BCL7B: variants seen among roughly 807,000 people sequenced by gnomAD.
BCL7B encodes the protein B-cell CLL/lymphoma 7 protein family member B.
Under a neutral mutation model 26.5 loss-of-function variants are expected in BCL7B, and 11 were observed. The observed-to-expected ratio is 0.42, with a 90% CI of 0.26 to 0.69. The LOEUF (loss-of-function observed/expected upper bound fraction) is 0.69. Among genes scored for constraint, BCL7B ranks in the 30% least tolerant of loss-of-function variants. The probability of loss-of-function intolerance (pLI) is 0.28; values close to 1 mark genes in which losing one functional copy is unlikely to be tolerated. For missense variants in BCL7B, 215 were observed against 264.4 expected, an observed-to-expected ratio of 0.81 and a Z score of 1.30; for synonymous variants, 111 against 107.9, an observed-to-expected ratio of 1.03 and a Z score of -0.18.
chr7:73,539,867 C>A lies in BCL7B; in HGVS notation c.436+15G>T. The A allele has an allele frequency of 6.2e-7, 1 of 1,608,938 alleles. No individual in the cohort carries two copies. The highest frequency in any genetic ancestry group is 1.1e-5 in the South Asian group (1 of 90,976). The stretch of plus-strand genomic sequence containing the variant: ...GCCCTTCTAGGAAACTCATCCTCGG[C>A]CAACCACGACTCACCCTCCAGGATC... On this transcript the variant is annotated intron_variant, in intron 4 of 5. Coordinates refer to ENST00000223368, the MANE Select transcript of BCL7B (RefSeq NM_001707.4).
At chr7:73,542,686 CG>C (rs1791810608) in intron 3 of BCL7B, 1 of 191,016 alleles carries the variant, frequency 5.2e-6, no homozygotes, top group African/African-American at 2.3e-5. Flanking sequence ...ATCATGACTA[CG>C]GTGATGATCC....
At chr7:73,555,627 C>T (rs1554584634) in intron 1 of BCL7B, among the ~76,000 whole-genome samples, 2 of 152,036 alleles carry the variant, frequency 1.3e-5, no homozygotes, top group African/African-American at 4.8e-5. Context: ...GGTAAGACAG[C>T]GGGCATCCTG....
rs782709626 is a variant in BCL7B at position 73,540,011 on chromosome 7, G to A, written c.307C>T (p.Leu103Phe). The change falls in exon 4 of 6, where the codon CTT becomes TTT. Residue 103 changes from leucine to phenylalanine, a missense_variant. Leu to Phe is a conservative substitution (Grantham distance 22, BLOSUM62 0). Coordinates refer to ENST00000223368, the MANE Select transcript of BCL7B (RefSeq NM_001707.4). ...NQSSVSDVYQ[L>F]KVDSSTNSSP... ...GAGTTGGTGCTGCTGTCCACCTTAA[G>A]CTGATAGACGTCAGACACGGAACTC... 1.2e-6 allele frequency: 2 copies of A among 1,613,930 alleles called. No homozygotes were observed. The highest frequency in any genetic ancestry group is 8.5e-7 in the Non-Finnish European group (1 of 1,180,044).
At chr7:73,553,698 C>CT (rs1391713399) in intron 1 of BCL7B, 13 of 154,270 alleles carry the variant, frequency 8.4e-5, no homozygotes, top group African/African-American at 3.1e-4. Context: ...GAAAACTAGT[C>CT]TAAAGAAATT....
intron 2 of BCL7B, among the ~76,000 whole-genome samples, chr7:73,546,278 A>T (rs529389210): frequency 1.3e-5 from 2 of 152,186 alleles, no homozygotes; most frequent in Non-Finnish European, 2.9e-5. Context: ...GGAGGAACAC[A>T]GGCACCCTGA....
chr7:73,542,335 C>T (rs1406008054), intron 3 of BCL7B, among the ~76,000 whole-genome samples: 3 of 152,160 alleles, frequency 2.0e-5, no homozygotes, highest in Admixed American at 6.6e-5. Flanking sequence ...ACATGGTTGA[C>T]CTTGGTGGGG....
At position 73,557,581 on chromosome 7, in the gene BCL7B, C is replaced by A; in HGVS notation, c.-3G>T. ...GCCCGGACCGACCGGCCCGACATGGCGGCGGCGGGAGCGGCGGGGGCCGGG... is the reference window on the plus strand; with the variant it reads ...GCCCGGACCGACCGGCCCGACATGGAGGCGGCGGGAGCGGCGGGGGCCGGG... On this transcript the variant is annotated 5_prime_UTR_variant, in exon 1 of 6. Coordinates refer to ENST00000223368, the MANE Select transcript of BCL7B (RefSeq NM_001707.4). 1.5e-6 allele frequency: 2 copies of A among 1,307,144 alleles called. No homozygotes were observed. The highest frequency in any genetic ancestry group is 2.1e-5 in the South Asian group (1 of 47,600). The allele number at this position is 1,307,144 out of a possible 1,614,324, so 81.0% of individuals were successfully genotyped here.
intron 2 of BCL7B, among the ~76,000 whole-genome samples, chr7:73,549,042 T>C (rs781999609): frequency 2.6e-5 from 4 of 152,200 alleles, no homozygotes; most frequent in Non-Finnish European, 4.4e-5. Context: ...CATCAGCTAA[T>C]ATAGGTCAAA....
chr7:73,556,048 G>C (rs1026218741), intron 1 of BCL7B, among the ~76,000 whole-genome samples: 33 of 152,168 alleles, frequency 2.2e-4, no homozygotes, highest in Non-Finnish European at 3.8e-4. Context: ...GCCTGCTAGG[G>C]GCGGGGGGGT....
intron 2 of BCL7B, among the ~76,000 whole-genome samples, chr7:73,546,940 G>A (rs187529528): frequency 3.5e-3 from 527 of 150,526 alleles, no homozygotes; most frequent in African/African-American, 0.012. Context: ...CAAGGCGGGC[G>A]GATCACCTAA....
chr7:73,557,489 T>C lies in BCL7B; in HGVS notation c.90A>G (p.Lys30=). The stretch of plus-strand genomic sequence containing the variant: ...CCCCCTAAGCTCCGGCCCCTCACCA[T>C]TTCCGCACTTTCTCGATGGCCGCCA... ...KVMAAIEKVR[K]WEKKWVTVGD... is the part of the protein sequence containing the mutation. The change falls in exon 1 of 6, where the codon AAA becomes AAG. Residue 30 remains lysine (K), a splice_region_variant and synonymous_variant. Transcript: ENST00000223368. 1 of 1,402,244 alleles carries C rather than the reference T, an allele frequency of 7.1e-7. No individual in the cohort carries two copies. The highest frequency in any genetic ancestry group is 9.4e-7 in the Non-Finnish European group (1 of 1,061,512). The allele number at this position is 1,402,244 out of a possible 1,614,324, so 86.9% of individuals were successfully genotyped here.
At chr7:73,549,425 T>C (rs1243442178) in intron 2 of BCL7B, among the ~76,000 whole-genome samples, 1 of 152,142 alleles carries the variant, frequency 6.6e-6, no homozygotes, top group African/African-American at 2.4e-5. Context: ...ATGCCTGTAA[T>C]CCCAGCTATT....
chr7:73,538,602 C>G (rs1791629971), intron 4 of BCL7B, among the ~76,000 whole-genome samples: 1 of 151,830 alleles, frequency 6.6e-6, no homozygotes, highest in Non-Finnish European at 1.5e-5. Context: ...TCACTTGAAG[C>G]CCAGGAGTTC....
At chr7:73,541,793 G>A (rs1431098168) in intron 3 of BCL7B, among the ~76,000 whole-genome samples, 1 of 152,194 alleles carries the variant, frequency 6.6e-6, no homozygotes, top group Non-Finnish European at 1.5e-5. Flanking sequence ...AGGAGAGGCA[G>A]GAGCTGGCCT....
chr7:73,557,422 A>G (rs1792416074), intron 1 of BCL7B, 65 bp downstream of exon 1: 2 of 1,055,448 alleles, frequency 1.9e-6, no homozygotes, highest in Non-Finnish European at 2.3e-6. Flanking sequence ...CTGACCCGCC[A>G]GTCCCACGCT....
intron 3 of BCL7B, 194 bp from the exon 4 acceptor site, chr7:73,540,246 A>G: frequency 3.3e-6 from 2 of 598,316 alleles, no homozygotes; most frequent in Non-Finnish European, 2.9e-6. Flanking sequence ...TTTATGCAAC[A>G]TTACACTTTA....
chr7:73,552,108 GA>G, intron 2 of BCL7B, 58 bp downstream of exon 2: 1 of 1,124,664 alleles, frequency 8.9e-7, no homozygotes, highest in South Asian at 1.4e-5. Flanking sequence ...AAAAAAAAAA[GA>G]GGCAATCAAA....
At chr7:73,546,377 G>GT in intron 2 of BCL7B, among the ~76,000 whole-genome samples, 1 of 152,186 alleles carries the variant, frequency 6.6e-6, no homozygotes, top group Non-Finnish European at 1.5e-5. Context: ...TTGAAAAGTT[G>GT]TTTTAGCCAG....
chr7:73,542,747 A>G, intron 3 of BCL7B: 1 of 265,278 alleles, frequency 3.8e-6, no homozygotes, highest in Non-Finnish European at 8.0e-6. Flanking sequence ...GGGTAAGCAG[A>G]AGCTTCGGCT....
Sources: allele counts gnomAD v4.1 joint callset (sites outside exome capture counted in the v4.1 genomes callset), GRCh38; gene constraint gnomAD v4.1.1; transcripts MANE v1.5; gene names NCBI Gene and HGNC (gene_info 2026-07-23, HGNC 2026-07-21).